The following CDC14A variants were observed in gnomAD, a reference collection of about 807,000 sequenced individuals.
The protein encoded by CDC14A is dual specificity protein phosphatase CDC14A.
In CDC14A, 53 loss-of-function variants were observed where a neutral mutation model predicts 74.4. The observed-to-expected ratio is 0.71, with a 90% CI of 0.57 to 0.89. CDC14A has a LOEUF of 0.89. CDC14A is among the 40% of genes least tolerant of loss of function. The pLI, the probability that CDC14A is intolerant of heterozygous loss-of-function variation, is 0.00. For synonymous variants in CDC14A, 247 were observed against 258.4 expected (o/e 0.96, Z 0.43); for missense variants, 646 against 713.7 (o/e 0.91, Z 1.08).
rs147816709 is a variant in CDC14A, at chr1:100,428,930, G to A, written c.389+4629G>A. 2.9e-3 allele frequency among the ~76,000 whole-genome samples: 435 copies of A among 152,068 alleles called. 3 individuals are homozygous for A. Among genetic ancestry groups the A allele is most frequent in the African/African-American group, 0.01 (415 of 41,470 alleles). Reference sequence around the variant, plus strand: ...CAGTTTTTAAAATGACATATAGGCCGGGCGCGGTGGCTCACGCCTGTAATC... The same window carrying A: ...CAGTTTTTAAAATGACATATAGGCCAGGCGCGGTGGCTCACGCCTGTAATC... On this transcript the variant is annotated intron_variant, in intron 5 of 15. Transcript: ENST00000336454.
intron 10 of CDC14A, among the ~76,000 whole-genome samples, chr1:100,471,843 C>G (rs977664437): frequency 6.6e-6 from 1 of 152,000 alleles, no homozygotes; most frequent in African/African-American, 2.4e-5. Flanking sequence ...TAAAGGAATT[C>G]CTGATGAGTT....
At chr1:100,486,249 T>G (rs969315002) in intron 11 of CDC14A, among the ~76,000 whole-genome samples, 1 of 152,198 alleles carries the variant, frequency 6.6e-6, no homozygotes. Flanking sequence ...ATAATCTTGA[T>G]TAAGTTAACA....
intron 2 of CDC14A, among the ~76,000 whole-genome samples, chr1:100,365,563 A>G (rs1653456586): frequency 6.6e-6 from 1 of 152,168 alleles, no homozygotes; most frequent in Non-Finnish European, 1.5e-5. Flanking sequence ...CAGATTAGGG[A>G]CACTGAGTGA....
chr1:100,354,212 G>A (rs1018848542), intron 2 of CDC14A, among the ~76,000 whole-genome samples: 1 of 152,114 alleles, frequency 6.6e-6, no homozygotes, highest in Non-Finnish European at 1.5e-5. Flanking sequence ...GTGGCCATAG[G>A]GTACAGGGCA....
intron 4 of CDC14A, among the ~76,000 whole-genome samples, chr1:100,421,671 C>T (rs1361578882): frequency 1.3e-5 from 2 of 152,188 alleles, no homozygotes; most frequent in African/African-American, 4.8e-5. Context: ...ACCTATGCTA[C>T]CAACTGAGTT....
At chr1:100,487,004 C>G (rs561662698) in intron 11 of CDC14A, among the ~76,000 whole-genome samples, 9 of 152,158 alleles carry the variant, frequency 5.9e-5, no homozygotes, top group African/African-American at 1.9e-4. Context: ...TTATAAATTG[C>G]ACATGGGAAA....
At chr1:100,504,812 A>C (rs1649093657) in intron 15 of CDC14A, 2 of 1,534,384 alleles carry the variant, frequency 1.3e-6, no homozygotes, top group South Asian at 1.2e-5. Flanking sequence ...CTTCTCCCAC[A>C]GTGTTCATGC....
Position 100,497,210 on chromosome 1 carries a change from A to G in CDC14A, c.1299-875A>G, listed in dbSNP as rs1480936896. 3.9e-5 allele frequency among the ~76,000 whole-genome samples: 6 copies of G among 152,200 alleles called. No individual in the cohort carries two copies. The East Asian group carries it at 9.6e-4, about 24-fold the overall frequency. On this transcript the variant is annotated intron_variant, in intron 13 of 15. Coordinates refer to ENST00000336454, the MANE Select transcript of CDC14A (RefSeq NM_003672.4). ...ACAGCTGATTGGACCATTAAAGGCT[A>G]AGTGTGATAGAAGTGGGTCAAATGG...
intron 2 of CDC14A, among the ~76,000 whole-genome samples, chr1:100,355,506 T>C (rs1651754267): frequency 6.6e-6 from 1 of 152,238 alleles, no homozygotes; most frequent in Non-Finnish European, 1.5e-5. Context: ...TATTTTGGGA[T>C]AGGCCTACAA....
chr1:100,484,201 C>G (rs1413168466), intron 10 of CDC14A, 91 bp from the exon 11 acceptor site: 1 of 631,514 alleles, frequency 1.6e-6, no homozygotes, highest in Non-Finnish European at 2.5e-6. Context: ...AAATCTTTTC[C>G]TTTATAAGAC....
chr1:100,505,544 T>C (rs1333345269), intron 15 of CDC14A, among the ~76,000 whole-genome samples: 1 of 152,158 alleles, frequency 6.6e-6, no homozygotes, highest in African/African-American at 2.4e-5. Context: ...TAAAGCATGG[T>C]TCATTTGTAC....
chr1:100,499,028 C>G lies in CDC14A; in HGVS notation c.1521C>G (p.Gly507=). The change falls in exon 15 of 16, where the codon GGC becomes GGG. Residue 507 remains glycine, a synonymous_variant. Coordinates refer to ENST00000336454, the MANE Select transcript of CDC14A (RefSeq NM_003672.4). The stretch of plus-strand genomic sequence containing the variant: ...AGACCTCCTCATCCTCTAAGGCAGG[C>G]TTCACAGCCAGCCCGTTTACCAACC... ...NKKTSSSSKA[G]FTASPFTNLL... is the part of the protein sequence containing the mutation. 1.2e-6 allele frequency: 2 copies of G among 1,614,214 alleles called. No individual in the cohort carries two copies. The highest frequency in any genetic ancestry group is 1.7e-6 in the Non-Finnish European group (2 of 1,180,048).
intron 3 of CDC14A, among the ~76,000 whole-genome samples, chr1:100,387,054 G>A (rs1452384013): frequency 1.3e-5 from 2 of 151,564 alleles, no homozygotes; most frequent in Non-Finnish European, 2.9e-5. Flanking sequence ...TAAAACATCA[G>A]CTAAACAACG....
chr1:100,392,299 T>C (rs1228695019), intron 4 of CDC14A, among the ~76,000 whole-genome samples: 2 of 152,218 alleles, frequency 1.3e-5, no homozygotes, highest in East Asian at 1.9e-4. Context: ...GATTGAAATA[T>C]GGAAAAAGAC....
At chr1:100,419,225 T>C (rs192589862) in intron 4 of CDC14A, among the ~76,000 whole-genome samples, 1 of 152,152 alleles carries the variant, frequency 6.6e-6, no homozygotes, top group East Asian at 1.9e-4. Context: ...ACTGTGACTG[T>C]GAAGAGATAA....
At chr1:100,391,014 T>C in intron 4 of CDC14A, 190 bp downstream of exon 4, 1 of 634,796 alleles carries the variant, frequency 1.6e-6, no homozygotes, top group East Asian at 3.0e-5. Flanking sequence ...TTTTATTTTC[T>C]ACTAGTTAAT....
At chr1:100,351,994 G>GTT (rs1483151945), upstream of CDC14A, among the ~76,000 whole-genome samples, 1 of 145,614 alleles carries the variant, frequency 6.9e-6, no homozygotes, top group Non-Finnish European at 1.5e-5. Context: ...GTGTGTGTGT[G>GTT]TGTGTGTGTG....
At chr1:100,391,209 G>T in intron 4 of CDC14A, 1 of 250,850 alleles carries the variant, frequency 4.0e-6, no homozygotes, top group South Asian at 4.6e-5. Flanking sequence ...TCGTTTTTTG[G>T]GAGAAGAGGA....
chr1:100,459,086 A>AACACACACACACACACACACACACAC lies in CDC14A; in HGVS notation c.608-3551_608-3550insACACACACACACACACACACACACAC, dbSNP rs751247467. On this transcript the variant is annotated intron_variant, in intron 8 of 15. Transcript: ENST00000336454. ...TCACTGTCATTCTCACTTCTATTTAAACACACACACACACGCACACACACA... is the reference window on the plus strand; with the variant it reads ...TCACTGTCATTCTCACTTCTATTTAAACACACACACACACACACACACACACACACACACACACACGCACACACACA... Among the ~76,000 whole-genome samples the AACACACACACACACACACACACACAC allele has an allele frequency of 1.5e-3, 192 of 129,022 alleles. 3 individuals are homozygous for AACACACACACACACACACACACACAC. Among genetic ancestry groups the AACACACACACACACACACACACACAC allele is most frequent in the African/African-American group, 5.7e-3 (160 of 28,070 alleles). The allele number at this position is 129,022 out of a possible 152,430, so 84.6% of individuals were successfully genotyped here.
Sources: allele counts gnomAD v4.1 joint callset (sites outside exome capture counted in the v4.1 genomes callset), GRCh38; gene constraint gnomAD v4.1.1; transcripts MANE v1.5; gene names NCBI Gene and HGNC (gene_info 2026-07-23, HGNC 2026-07-21).